PLD5: variants seen among roughly 807,000 people sequenced by gnomAD.
PLD5 encodes inactive phospholipase D5.
In PLD5, 36 loss-of-function variants were observed where a neutral mutation model predicts 61.1. That is an observed-to-expected ratio of 0.59 (90% CI 0.45 to 0.78). PLD5 has a LOEUF of 0.78. Among genes scored for constraint, PLD5 ranks in the 30% least tolerant of loss-of-function variants. The pLI is 0.00. For missense variants in PLD5, 515 were observed against 644.4 expected, an observed-to-expected ratio of 0.80 and a Z score of 2.17; for synonymous variants, 243 against 242.8, an observed-to-expected ratio of 1.00 and a Z score of -0.01.
intron 5 of PLD5, among the ~76,000 whole-genome samples, chr1:242,138,870 C>T (rs553582258): frequency 1.3e-5 from 2 of 152,330 alleles, no homozygotes; most frequent in East Asian, 3.9e-4. Context: ...AGGATTAAAC[C>T]TCTCAGGGGC....
rs1659331701 is a variant in PLD5, at chr1:242,083,247, A to G, written c.*6607T>C. 2.0e-5 allele frequency: 3 copies of G among 152,180 alleles called. No individual in the cohort carries two copies. Among genetic ancestry groups the G allele is most frequent in the Non-Finnish European group, 2.9e-5 (2 of 68,058 alleles). The allele number at this position is 152,180 out of a possible 1,614,324, so 9.4% of individuals were successfully genotyped here. ...TTCATCATTTACTTTCTGGTGTTCA[A>G]ACTCCCTAAAAGAGGGCCGTGATTG... On this transcript the variant is annotated 3_prime_UTR_variant, in exon 10 of 10. Coordinates refer to ENST00000536534, the MANE Select transcript of PLD5 (RefSeq NM_001372062.1).
At chr1:242,437,036 C>A (rs971533358) in intron 1 of PLD5, among the ~76,000 whole-genome samples, 34 of 152,224 alleles carry the variant, frequency 2.2e-4, no homozygotes, top group Admixed American at 2.1e-3. Flanking sequence ...GAAAGTTGAA[C>A]CCCTTTGTCA....
At chr1:242,161,436 G>T (rs989257307) in intron 5 of PLD5, among the ~76,000 whole-genome samples, 2 of 150,146 alleles carry the variant, frequency 1.3e-5, no homozygotes, top group Admixed American at 1.3e-4. Context: ...TCTATTTACA[G>T]CTATATAGAA....
intron 5 of PLD5, among the ~76,000 whole-genome samples, chr1:242,202,191 T>C (rs2148958215): frequency 6.6e-6 from 1 of 151,894 alleles, no homozygotes; most frequent in East Asian, 1.9e-4. Context: ...CCAGCCTGGG[T>C]GACAGAGTAA....
chr1:242,241,333 T>C (rs953103366), intron 4 of PLD5, among the ~76,000 whole-genome samples: 2 of 152,198 alleles, frequency 1.3e-5, no homozygotes, highest in African/African-American at 4.8e-5. Context: ...TATCTTTTCA[T>C]GGTCCCAGAA....
intron 2 of PLD5, among the ~76,000 whole-genome samples, chr1:242,298,627 G>C (rs1675853047): frequency 6.6e-6 from 1 of 152,194 alleles, no homozygotes. Flanking sequence ...TGAAAGCAGA[G>C]GCTACTGTCT....
intron 6 of PLD5, among the ~76,000 whole-genome samples, chr1:242,114,572 G>A (rs570316338): frequency 6.6e-6 from 1 of 152,340 alleles, no homozygotes; most frequent in South Asian, 2.1e-4. Flanking sequence ...TGACAGGCAA[G>A]CAAAGCTTCA....
chr1:242,521,020 A>G (rs1375712533), intron 1 of PLD5, among the ~76,000 whole-genome samples: 2 of 152,248 alleles, frequency 1.3e-5, no homozygotes, highest in Non-Finnish European at 2.9e-5. Flanking sequence ...TTAACAACCA[A>G]GAGCATTATT....
intron 4 of PLD5, among the ~76,000 whole-genome samples, chr1:242,262,820 A>G (rs917968427): frequency 6.6e-6 from 1 of 152,102 alleles, no homozygotes; most frequent in African/African-American, 2.4e-5. Flanking sequence ...AACATGTTGC[A>G]TTTGAGATGT....
chr1:242,506,799 A>G (rs1668737579), intron 1 of PLD5, among the ~76,000 whole-genome samples: 1 of 152,218 alleles, frequency 6.6e-6, no homozygotes, highest in Non-Finnish European at 1.5e-5. Flanking sequence ...TTCCCAGTCC[A>G]GTAAAGTGGC....
chr1:242,224,119 T>C (rs1036491873), intron 4 of PLD5, among the ~76,000 whole-genome samples: 2 of 152,210 alleles, frequency 1.3e-5, no homozygotes, highest in African/African-American at 4.8e-5. Flanking sequence ...GTGCATAACC[T>C]AAATTTGAGT....
chr1:242,107,563 G>C, intron 8 of PLD5, 108 bp downstream of exon 8: 1 of 1,084,854 alleles, frequency 9.2e-7, no homozygotes, highest in South Asian at 2.2e-5. Flanking sequence ...GAAGATTGCC[G>C]TCCTGGTTCT....
At chr1:242,159,215 G>A (rs1574417285) in intron 5 of PLD5, among the ~76,000 whole-genome samples, 1 of 152,176 alleles carries the variant, frequency 6.6e-6, no homozygotes, top group East Asian at 1.9e-4. Flanking sequence ...CTTTCTTCTA[G>A]GTGTTGGATA....
At chr1:242,124,975 T>C (rs1384296196) in intron 5 of PLD5, among the ~76,000 whole-genome samples, 2 of 152,188 alleles carry the variant, frequency 1.3e-5, no homozygotes, top group Non-Finnish European at 2.9e-5. Context: ...TTTGTATGAC[T>C]CATTCAATCA....
chr1:242,510,644 G>A lies in PLD5; in HGVS notation c.189+13444C>T, dbSNP rs191911659. On this transcript the variant is annotated intron_variant, in intron 1 of 9. Transcript: ENST00000536534. Reference sequence around the variant, plus strand: ...GTGGATCATGAGGTCAGGAGATCGAGACCATTCTGGATAACACGGTGAAAC... The same window carrying A: ...GTGGATCATGAGGTCAGGAGATCGAAACCATTCTGGATAACACGGTGAAAC... Among the ~76,000 whole-genome samples, 321 of 152,258 alleles carry A rather than the reference G, an allele frequency of 2.1e-3. 2 individuals are homozygous for A. Among genetic ancestry groups the A allele is most frequent in the African/African-American group, 7.3e-3 (305 of 41,548 alleles).
At chr1:242,158,595 G>A (rs554015137) in intron 5 of PLD5, among the ~76,000 whole-genome samples, 10 of 152,150 alleles carry the variant, frequency 6.6e-5, no homozygotes, top group South Asian at 4.2e-4. Context: ...TGCACTTCCC[G>A]GGTGAGGCAA....
intron 3 of PLD5, among the ~76,000 whole-genome samples, chr1:242,277,744 A>G (rs887963794): frequency 2.0e-5 from 3 of 151,106 alleles, no homozygotes; most frequent in African/African-American, 7.3e-5. Context: ...GCACTTTGGG[A>G]GGCCGACGCG....
chr1:242,279,199 T>G lies in PLD5; in HGVS notation c.495+9163A>C, dbSNP rs542577056. Among the ~76,000 whole-genome samples, 11 of 152,342 alleles carry G rather than the reference T, an allele frequency of 7.2e-5. No homozygotes were observed. The East Asian group carries it at 1.7e-3, about 24-fold the overall frequency. ...GGAACAATTGCAATCACAGGATTAA[T>G]TTGAAACACACAAAGTTAGGTTGAC... On this transcript the variant is annotated intron_variant, in intron 3 of 9. Transcript: ENST00000536534.
intron 5 of PLD5, among the ~76,000 whole-genome samples, chr1:242,162,614 G>T (rs544375536): frequency 6.6e-6 from 1 of 152,162 alleles, no homozygotes; most frequent in South Asian, 2.1e-4. Context: ...CTTAGTGATT[G>T]TCTACGCAGA....
Sources: gnomAD v4.1 joint callset for allele counts (sites outside exome capture counted in the v4.1 genomes callset) on GRCh38, gnomAD v4.1.1 for gene constraint, MANE v1.5 for transcripts, NCBI Gene and HGNC (gene_info 2026-07-23, HGNC 2026-07-21) for gene names.